The following FOXP2 variants were observed in gnomAD, a reference collection of about 807,000 sequenced individuals.
FOXP2 encodes forkhead box P2.
FOXP2 carries 12 observed loss-of-function variants against 115.8 expected under a neutral mutation model. That is an observed-to-expected ratio of 0.10 (90% CI 0.07 to 0.17). The LOEUF (loss-of-function observed/expected upper bound fraction) is 0.17, where lower values mean the gene tolerates loss of function less well. Among genes scored for constraint, FOXP2 ranks in the 10% least tolerant of loss-of-function variants. FOXP2 has a pLI of 1.00. For missense variants in FOXP2, 629 were observed against 843.5 expected (o/e 0.75, Z 3.15); for synonymous variants, 328 against 297.7 (o/e 1.10, Z -1.05).
Position 114,692,779 on chromosome 7 carries a change from C to T in FOXP2, c.*2853C>T. The T allele has an allele frequency of 2.3e-6, 1 of 441,914 alleles. No individual in the cohort carries two copies. The highest frequency in any genetic ancestry group is 1.6e-5 in the South Asian group (1 of 61,866). The allele number at this position is 441,914 out of a possible 1,614,324, so 27.4% of individuals were successfully genotyped here. A position where few individuals can be genotyped will look rare whatever the true frequency, so the allele number is the denominator to read the frequency against. ...TCTTTTGTATACAGCAAATTTTAAA[C>T]TGTAGCACAAACATCTGTTTATGTA... On this transcript the variant is annotated 3_prime_UTR_variant, in exon 17 of 17. Transcript: ENST00000350908.
intron 2 of FOXP2, among the ~76,000 whole-genome samples, chr7:114,472,042 C>G (rs1217002882): frequency 2.0e-5 from 3 of 151,724 alleles, no homozygotes; most frequent in African/African-American, 7.3e-5. Context: ...ATGTGCTGCA[C>G]TAGTGTGCAA....
chr7:114,139,335 G>A (rs1792138182), intron 1 of FOXP2, among the ~76,000 whole-genome samples: 1 of 152,058 alleles, frequency 6.6e-6, no homozygotes, highest in African/African-American at 2.4e-5. Context: ...TTGTTTTCGG[G>A]GAGGTTGCAG....
At chr7:114,654,218 G>A (rs929276810) in intron 10 of FOXP2, 1 of 1,227,840 alleles carries the variant, frequency 8.1e-7, no homozygotes, top group African/African-American at 1.5e-5. Flanking sequence ...CACCATGGGT[G>A]ACACTAAACA....
chr7:114,353,359 T>C (rs6979679), intron 2 of FOXP2, among the ~76,000 whole-genome samples: 1 of 110,896 alleles, frequency 9.0e-6, no homozygotes, highest in African/African-American at 3.1e-5. Context: ...TTTTTTTTTT[T>C]CACAGCTCTA....
intron 16 of FOXP2, among the ~76,000 whole-genome samples, chr7:114,677,456 G>GA (rs1807839114): frequency 6.6e-6 from 1 of 152,096 alleles, no homozygotes; most frequent in African/African-American, 2.4e-5. Flanking sequence ...TTATTCTAAA[G>GA]AAAAATAGGA....
At chr7:114,460,151 A>C (rs1795500401) in intron 2 of FOXP2, among the ~76,000 whole-genome samples, 3 of 152,182 alleles carry the variant, frequency 2.0e-5, no homozygotes, top group African/African-American at 7.2e-5. Context: ...CTCAACAAAT[A>C]ATTTATTGAG....
chr7:114,402,994 G>A (rs192810976), intron 2 of FOXP2, among the ~76,000 whole-genome samples: 1 of 152,018 alleles, frequency 6.6e-6, no homozygotes, highest in East Asian at 1.9e-4. Flanking sequence ...CACCTTACCA[G>A]CTACATCTAT....
In FOXP2 at chr7:114,566,918, TTCA is replaced by T. The variant is rs1801052677; in HGVS notation, c.258+32216_258+32218del. Among the ~76,000 whole-genome samples the T allele has an allele frequency of 2.0e-5, 3 of 152,044 alleles. No homozygotes were observed. In the South Asian group the frequency reaches 6.2e-4, roughly 32 times the overall value. ...ATATATTTTTGTATGAAAATTACAC[TTCA>T]TCAACCTTGCAAAAAATATTATTTT... On this transcript the variant is annotated intron_variant, in intron 3 of 16. Coordinates refer to ENST00000350908, the MANE Select transcript of FOXP2 (RefSeq NM_014491.4).
intron 1 of FOXP2, among the ~76,000 whole-genome samples, chr7:114,185,619 G>A (rs376518636): frequency 6.6e-6 from 1 of 152,074 alleles, no homozygotes; most frequent in East Asian, 1.9e-4. Flanking sequence ...CAGAAGCAAA[G>A]AATCCCAAAT....
At chr7:114,644,625 G>A in intron 7 of FOXP2, 60 bp from the exon 8 acceptor site, 2 of 1,404,676 alleles carry the variant, frequency 1.4e-6, no homozygotes, top group South Asian at 1.2e-5. Flanking sequence ...ACAGGCGCTA[G>A]CAGCCTGCAA....
intron 3 of FOXP2, among the ~76,000 whole-genome samples, chr7:114,581,710 A>G (rs1801878728): frequency 6.6e-6 from 1 of 152,158 alleles, no homozygotes; most frequent in South Asian, 2.1e-4. Flanking sequence ...TGTATCCACC[A>G]TTGTAGTATC....
chr7:114,447,338 T>A (rs1794877703), intron 2 of FOXP2, among the ~76,000 whole-genome samples: 1 of 152,080 alleles, frequency 6.6e-6, no homozygotes. Flanking sequence ...ATGTCCCTAT[T>A]TTTCTGGGTA....
intron 1 of FOXP2, among the ~76,000 whole-genome samples, chr7:114,425,622 GT>G (rs1220794357): frequency 6.6e-6 from 1 of 151,582 alleles, no homozygotes; most frequent in Non-Finnish European, 1.5e-5. Context: ...AATTTATGCT[GT>G]TTTTAGCACA....
At chr7:114,463,286 T>G (rs945584224) in intron 2 of FOXP2, 1 of 220,816 alleles carries the variant, frequency 4.5e-6, no homozygotes, top group African/African-American at 2.4e-5. Context: ...GAAAATCAAA[T>G]AGGCATCTCA....
At chr7:114,594,783 T>C (rs977051497) in intron 3 of FOXP2, among the ~76,000 whole-genome samples, 1 of 151,950 alleles carries the variant, frequency 6.6e-6, no homozygotes, top group Non-Finnish European at 1.5e-5. Flanking sequence ...TATTAAAACA[T>C]CAAAGATTGA....
At chr7:114,629,695 G>A (rs1804784471) in intron 4 of FOXP2, 110 bp from the exon 5 acceptor site, 1 of 1,601,998 alleles carries the variant, frequency 6.2e-7, no homozygotes, top group Admixed American at 1.7e-5. Context: ...TGTTTTTATG[G>A]GATGAATCTT....
intron 3 of FOXP2, among the ~76,000 whole-genome samples, chr7:114,605,577 G>A (rs536582635): frequency 6.6e-6 from 1 of 152,244 alleles, no homozygotes; most frequent in East Asian, 1.9e-4. Flanking sequence ...GCTAATCCAG[G>A]TGCCCTGTGG....
chr7:114,681,577 A>G (rs1207624018), intron 16 of FOXP2, among the ~76,000 whole-genome samples: 2 of 152,184 alleles, frequency 1.3e-5, no homozygotes, highest in African/African-American at 4.8e-5. Context: ...TAGGAGCACT[A>G]TGTACAGAGC....
Position 114,415,005 on chromosome 7 carries a change from T to C in FOXP2, c.-366T>C, listed in dbSNP as rs1195360310. On this transcript the variant is annotated 5_prime_UTR_variant, in exon 1 of 17. Coordinates refer to ENST00000350908, the MANE Select transcript of FOXP2 (RefSeq NM_014491.4). ...AAGCATGCTGGCTCAGTCTTGAACC[T>C]TTGTCACCCCTCACGTTGCACACCA... The C allele has an allele frequency of 2.2e-6, 1 of 446,634 alleles. No homozygotes were observed. The highest frequency in any genetic ancestry group is 2.0e-5 in the African/African-American group (1 of 49,862). The allele number at this position is 446,634 out of a possible 1,614,324, so 27.7% of individuals were successfully genotyped here. A position where few individuals can be genotyped will look rare whatever the true frequency, so the allele number is the denominator to read the frequency against.
Sources: allele counts gnomAD v4.1 joint callset (sites outside exome capture counted in the v4.1 genomes callset), GRCh38; gene constraint gnomAD v4.1.1; transcripts MANE v1.5; gene names NCBI Gene and HGNC (gene_info 2026-07-23, HGNC 2026-07-21).